RAD51B: variants seen among roughly 807,000 people sequenced by gnomAD.
RAD51B encodes the protein DNA repair protein RAD51 homolog 2.
RAD51B carries 38 observed loss-of-function variants against 42.2 expected under a neutral mutation model. That is an observed-to-expected ratio of 0.90 (90% CI 0.70 to 1.18). The LOEUF is 1.18. Among genes scored for constraint, RAD51B ranks in the 50% most tolerant of loss-of-function variants. The pLI, the probability that RAD51B is intolerant of heterozygous loss-of-function variation, is 0.00. For missense variants in RAD51B, 373 were observed against 400.7 expected (o/e 0.93, Z 0.59); for synonymous variants, 154 against 145.2 (o/e 1.06, Z -0.43).
intron 7 of RAD51B, among the ~76,000 whole-genome samples, chr14:67,911,555 T>C (rs2043979373): frequency 6.6e-6 from 1 of 152,170 alleles, no homozygotes; most frequent in Non-Finnish European, 1.5e-5. Context: ...AGGGGTGCCA[T>C]TTCTGATTAT....
chr14:67,866,269 A>G (rs2139994591), intron 5 of RAD51B, among the ~76,000 whole-genome samples: 1 of 152,386 alleles, frequency 6.6e-6, no homozygotes, highest in Middle Eastern at 3.4e-3. Flanking sequence ...AATGGTTAAA[A>G]AAAAGAACAG....
intron 10 of RAD51B, among the ~76,000 whole-genome samples, chr14:68,636,291 C>T (rs925911290): frequency 2.0e-5 from 3 of 152,112 alleles, no homozygotes; most frequent in Non-Finnish European, 4.4e-5. Context: ...CAATCGGATA[C>T]CATATTTAAG....
chr14:68,553,161 C>G (rs1328867224), intron 10 of RAD51B, among the ~76,000 whole-genome samples: 1 of 152,178 alleles, frequency 6.6e-6, no homozygotes, highest in East Asian at 1.9e-4. Context: ...CCCTCCTTGC[C>G]ACTGCATGGC....
intron 8 of RAD51B, among the ~76,000 whole-genome samples, chr14:68,333,295 C>G (rs2082384705): frequency 6.6e-6 from 1 of 152,030 alleles, no homozygotes; most frequent in Non-Finnish European, 1.5e-5. Context: ...TTAGAAGAAA[C>G]CTGGGCATTC....
At chr14:68,103,124 C>T (rs1313344192) in intron 7 of RAD51B, among the ~76,000 whole-genome samples, 1 of 152,132 alleles carries the variant, frequency 6.6e-6, no homozygotes, top group Non-Finnish European at 1.5e-5. Flanking sequence ...ATTATGTGAA[C>T]TACAAGAAAA....
chr14:68,473,199 C>T (rs1882235228), intron 10 of RAD51B, among the ~76,000 whole-genome samples: 1 of 152,194 alleles, frequency 6.6e-6, no homozygotes, highest in Non-Finnish European at 1.5e-5. Context: ...ACCTCCGCAC[C>T]TGGCACAGCC....
At chr14:67,891,206 A>G (rs1043587686) in intron 7 of RAD51B, among the ~76,000 whole-genome samples, 1 of 152,088 alleles carries the variant, frequency 6.6e-6, no homozygotes, top group Admixed American at 6.6e-5. Context: ...AGTTAACACT[A>G]TTTACAAAAG....
chr14:68,360,781 C>A (rs1377121199), intron 8 of RAD51B, among the ~76,000 whole-genome samples: 1 of 152,062 alleles, frequency 6.6e-6, no homozygotes, highest in East Asian at 1.9e-4. Context: ...AAATGTAGAC[C>A]CAAAGGCCCA....
At chr14:68,318,673 G>T (rs1203775237) in intron 8 of RAD51B, among the ~76,000 whole-genome samples, 1 of 152,222 alleles carries the variant, frequency 6.6e-6, no homozygotes, top group East Asian at 1.9e-4. Context: ...TCTGGGGTCA[G>T]TGTGAATAGC....
intron 8 of RAD51B, among the ~76,000 whole-genome samples, chr14:68,348,725 C>T (rs926261172): frequency 1.3e-5 from 2 of 152,156 alleles, no homozygotes; most frequent in Non-Finnish European, 1.5e-5. Context: ...GGGTGAAACC[C>T]CGTCTCTACT....
chr14:67,955,274 T>C (rs1046476269), intron 7 of RAD51B, among the ~76,000 whole-genome samples: 15 of 152,222 alleles, frequency 9.9e-5, no homozygotes, highest in African/African-American at 3.6e-4. Context: ...TTCATGCTGA[T>C]GTACATATCT....
chr14:68,623,640 C>T (rs1453074930), intron 10 of RAD51B, among the ~76,000 whole-genome samples: 2 of 152,136 alleles, frequency 1.3e-5, no homozygotes, highest in East Asian at 3.8e-4. Flanking sequence ...GGTGGAGAGC[C>T]CAAAGAGTGA....
intron 7 of RAD51B, among the ~76,000 whole-genome samples, chr14:68,100,260 A>G (rs1446969701): frequency 1.3e-5 from 2 of 152,236 alleles, no homozygotes; most frequent in Non-Finnish European, 2.9e-5. Context: ...CTATTTTATA[A>G]GTCATATTGG....
intron 7 of RAD51B, among the ~76,000 whole-genome samples, chr14:68,162,422 A>G (rs1356687450): frequency 1.3e-5 from 2 of 152,216 alleles, no homozygotes; most frequent in Non-Finnish European, 2.9e-5. Flanking sequence ...AAGGAAATAT[A>G]TAAGTTTATC....
At chr14:68,301,742 A>C (rs576647159) in intron 8 of RAD51B, among the ~76,000 whole-genome samples, 1 of 151,952 alleles carries the variant, frequency 6.6e-6, no homozygotes, top group Non-Finnish European at 1.5e-5. Flanking sequence ...GATTACAGGC[A>C]TGCACCACCA....
At chr14:68,020,619 A>T (rs2075848086) in intron 7 of RAD51B, among the ~76,000 whole-genome samples, 1 of 152,168 alleles carries the variant, frequency 6.6e-6, no homozygotes, top group African/African-American at 2.4e-5. Flanking sequence ...GTAAATATTC[A>T]TATTACTTAT....
downstream of RAD51B, among the ~76,000 whole-genome samples, chr14:68,612,418 C>T (rs1012011896): frequency 6.6e-6 from 1 of 152,212 alleles, no homozygotes. Flanking sequence ...GCTATCCTTC[C>T]TCTTGCTATC....
chr14:68,619,027 C>G (rs1365583048), intron 10 of RAD51B, among the ~76,000 whole-genome samples: 2 of 152,212 alleles, frequency 1.3e-5, no homozygotes, highest in Non-Finnish European at 2.9e-5. Flanking sequence ...GGATCATGCT[C>G]AAGGTCAAGT....
rs1566963598 is a variant in RAD51B, at chr14:68,648,121, A to ATGTGTG, written c.1037-2659_1037-2658insGTGTGT. Among the ~76,000 whole-genome samples the ATGTGTG allele has an allele frequency of 1.2e-4, 10 of 80,768 alleles. 1 individual carries two copies. Among genetic ancestry groups the ATGTGTG allele is most frequent in the Non-Finnish European group, 1.7e-4 (7 of 40,922 alleles). 53.0% of individuals were successfully genotyped at this position (80,768 alleles called of 152,430 possible). On this transcript the variant is annotated intron_variant, in intron 10 of 11. Coordinates refer to the RAD51B transcript ENST00000488612. ...TATATATATACACACACGTATATAT[A>ATGTGTG]TATACACACACGTATATATATATAT...
Sources: allele counts gnomAD v4.1 joint callset (sites outside exome capture counted in the v4.1 genomes callset), GRCh38; gene constraint gnomAD v4.1.1; transcripts MANE v1.5; gene names NCBI Gene and HGNC (gene_info 2026-07-23, HGNC 2026-07-21).